The following TMPRSS15 variants were observed in gnomAD, a reference collection of about 807,000 sequenced individuals.
The protein encoded by TMPRSS15 is enteropeptidase.
In TMPRSS15, 128 loss-of-function variants were observed where a neutral mutation model predicts 125.3. The ratio of observed to expected loss-of-function variants is 1.02; its 90% CI spans 0.89 to 1.18. The LOEUF (loss-of-function observed/expected upper bound fraction) is 1.18. Ranked by LOEUF, TMPRSS15 falls within the 50% of genes most tolerant of loss-of-function variation. The pLI is 0.00. For synonymous variants in TMPRSS15, 446 were observed against 423.2 expected (o/e 1.05, Z -0.66); for missense variants, 1,283 against 1,212.7 (o/e 1.06, Z -0.86).
intron 1 of TMPRSS15, among the ~76,000 whole-genome samples, chr21:18,468,340 T>C (rs961141966): frequency 1.3e-5 from 2 of 152,156 alleles, no homozygotes; most frequent in Non-Finnish European, 2.9e-5. Context: ...TTTATTTCAA[T>C]TATGGTGACA....
chr21:18,451,760 G>C (rs559136983), intron 1 of TMPRSS15, among the ~76,000 whole-genome samples: 1 of 152,020 alleles, frequency 6.6e-6, no homozygotes, highest in Non-Finnish European at 1.5e-5. Context: ...GGTGGAAAAG[G>C]TTCAGTTTTT....
chr21:18,447,467 A>G (rs1169910080), intron 1 of TMPRSS15, among the ~76,000 whole-genome samples: 1 of 151,278 alleles, frequency 6.6e-6, no homozygotes, highest in African/African-American at 2.4e-5. Flanking sequence ...AAGACATACA[A>G]ATGACAAACA....
rs548843155 is a variant in TMPRSS15, at chr21:18,364,467, T to C, written c.773+673A>G. On this transcript the variant is annotated intron_variant, in intron 7 of 24. Transcript: ENST00000284885. ...TTAATAAGTTTATTTCAGGATCTCT[T>C]ATATTTATGTGAGTACAAATTCTTT... 5.3e-5 allele frequency among the ~76,000 whole-genome samples: 8 copies of C among 152,304 alleles called. No individual in the cohort carries two copies. In the South Asian group the frequency reaches 1.7e-3, roughly 32 times the overall value.
At chr21:18,297,262 T>G (rs1259047782) in intron 19 of TMPRSS15, among the ~76,000 whole-genome samples, 1 of 152,166 alleles carries the variant, frequency 6.6e-6, no homozygotes, top group Admixed American at 6.5e-5. Flanking sequence ...AGGTCTAGAC[T>G]TCTTCATTTA....
At chr21:18,351,958 A>T (rs1339324675) in intron 10 of TMPRSS15, among the ~76,000 whole-genome samples, 10 of 152,234 alleles carry the variant, frequency 6.6e-5, no homozygotes, top group Non-Finnish European at 7.4e-5. Flanking sequence ...CTAGAACCAT[A>T]GCTGGTTAGA....
At chr21:18,305,481 C>T (rs915953712) in intron 18 of TMPRSS15, among the ~76,000 whole-genome samples, 4 of 152,192 alleles carry the variant, frequency 2.6e-5, no homozygotes, top group African/African-American at 9.7e-5. Flanking sequence ...AGCCACCACG[C>T]CCGGCCCCTT....
rs770678812 is a variant in TMPRSS15 at position 18,398,237 on chromosome 21, C to G, written c.238G>C (p.Val80Leu). The G allele has an allele frequency of 1.1e-4, 171 of 1,613,770 alleles. No homozygotes were observed. The highest frequency in any genetic ancestry group is 1.4e-4 in the Non-Finnish European group (160 of 1,179,830). ...TCAAAAGCAAGAACTTTGAAATCCA[C>G]TGAGAGTTTGTCTTGCAAATTAGGA... ...YNPNLQDKLS[V>L]DFKVLAFDLQ... The change falls in exon 2 of 25, where the codon GTG becomes CTG. Residue 80 changes from valine (V) to leucine (L), a missense_variant. Val to Leu is a conservative substitution (Grantham distance 32, BLOSUM62 1). Transcript: ENST00000284885.
intron 4 of TMPRSS15, among the ~76,000 whole-genome samples, chr21:18,383,311 G>A (rs909105003): frequency 1.6e-4 from 23 of 141,688 alleles, no homozygotes; most frequent in Non-Finnish European, 3.2e-4. Flanking sequence ...TCCTTGGAAT[G>A]CATAAGACCC....
chr21:18,283,881 G>A (rs1482400203), intron 21 of TMPRSS15, among the ~76,000 whole-genome samples: 1 of 152,168 alleles, frequency 6.6e-6, no homozygotes, highest in African/African-American at 2.4e-5. Context: ...GAGAGAGCTT[G>A]TAGGTAACAT....
intron 1 of TMPRSS15, among the ~76,000 whole-genome samples, chr21:18,443,675 C>T (rs983074196): frequency 9.9e-5 from 15 of 152,226 alleles, no homozygotes; most frequent in Non-Finnish European, 2.1e-4. Context: ...CCTTGCTAGA[C>T]AAGGCTCAGT....
At chr21:18,438,843 T>C (rs2076235092) in intron 1 of TMPRSS15, among the ~76,000 whole-genome samples, 1 of 152,206 alleles carries the variant, frequency 6.6e-6, no homozygotes, top group Admixed American at 6.5e-5. Context: ...TGTATATCAA[T>C]TTATGTAGAT....
At chr21:18,461,716 T>A (rs1978554457) in intron 1 of TMPRSS15, among the ~76,000 whole-genome samples, 1 of 152,094 alleles carries the variant, frequency 6.6e-6, no homozygotes, top group Non-Finnish European at 1.5e-5. Flanking sequence ...TTTAGACACT[T>A]CCCCATCCTC....
At position 18,352,621 on chromosome 21, in the gene TMPRSS15, T is replaced by C. The variant is rs374200903; in HGVS notation, c.1171+282A>G. 4.7e-4 allele frequency among the ~76,000 whole-genome samples: 71 copies of C among 152,090 alleles called. 4 individuals are homozygous for C. In the Middle Eastern group the frequency reaches 0.01, roughly 22 times the overall value. On this transcript the variant is annotated intron_variant, in intron 10 of 24. Transcript: ENST00000284885. ...TCAAATCTACTTAGTTAATAATAAGTGGCAAGTCTAGGATGACAACCTAGT... is the reference window on the plus strand; with the variant it reads ...TCAAATCTACTTAGTTAATAATAAGCGGCAAGTCTAGGATGACAACCTAGT...
intron 13 of TMPRSS15, 70 bp downstream of exon 13, chr21:18,341,343 T>C (rs2075443591): frequency 6.3e-7 from 1 of 1,592,794 alleles, no homozygotes; most frequent in Admixed American, 1.7e-5. Context: ...AGTGCTGGAA[T>C]TATAGCTGTG....
intron 1 of TMPRSS15, among the ~76,000 whole-genome samples, chr21:18,441,975 G>C (rs570821998): frequency 6.6e-6 from 1 of 152,108 alleles, no homozygotes; most frequent in Non-Finnish European, 1.5e-5. Context: ...ACAGGCGTGA[G>C]CCACCACACC....
At chr21:18,302,847 C>T (rs2146915963) in intron 18 of TMPRSS15, among the ~76,000 whole-genome samples, 1 of 152,248 alleles carries the variant, frequency 6.6e-6, no homozygotes, top group East Asian at 1.9e-4. Context: ...ATCTTGGAAA[C>T]CTTGGGCAAC....
chr21:18,293,946 T>C (rs1034245976), intron 21 of TMPRSS15, among the ~76,000 whole-genome samples: 21 of 152,334 alleles, frequency 1.4e-4, no homozygotes, highest in African/African-American at 4.3e-4. Context: ...ATACAATAAA[T>C]ACTAATTTCA....
chr21:18,285,308 A>G (rs2074749681), intron 21 of TMPRSS15, among the ~76,000 whole-genome samples: 1 of 152,224 alleles, frequency 6.6e-6, no homozygotes, highest in Admixed American at 6.5e-5. Flanking sequence ...CAGGATGTCC[A>G]TTTGTAAGTG....
chr21:18,366,215 A>G (rs1192969268), intron 6 of TMPRSS15, among the ~76,000 whole-genome samples: 1 of 152,206 alleles, frequency 6.6e-6, no homozygotes, highest in Non-Finnish European at 1.5e-5. Context: ...ATATGTACAA[A>G]GTGCTATGTT....
Sources: gnomAD v4.1 joint callset for allele counts (sites outside exome capture counted in the v4.1 genomes callset) on GRCh38, gnomAD v4.1.1 for gene constraint, MANE v1.5 for transcripts, NCBI Gene and HGNC (gene_info 2026-07-23, HGNC 2026-07-21) for gene names.